CAMK2D: variants seen among roughly 807,000 people sequenced by gnomAD.
CAMK2D encodes calcium/calmodulin-dependent protein kinase type II subunit delta.
CAMK2D carries 37 observed loss-of-function variants against 84.0 expected under a neutral mutation model. That is an observed-to-expected ratio of 0.44 (90% CI 0.34 to 0.58). CAMK2D has a LOEUF of 0.58. Among genes scored for constraint, CAMK2D ranks in the 20% least tolerant of loss-of-function variants. The pLI, the probability that CAMK2D is intolerant of heterozygous loss-of-function variation, is 0.02. For synonymous variants in CAMK2D, 202 were observed against 212.5 expected, an observed-to-expected ratio of 0.95 and a Z score of 0.43; for missense variants, 448 against 652.5, an observed-to-expected ratio of 0.69 and a Z score of 3.41.
At chr4:113,471,777 G>C (rs1303630110) in intron 16 of CAMK2D, among the ~76,000 whole-genome samples, 1 of 151,982 alleles carries the variant, frequency 6.6e-6, no homozygotes, top group Non-Finnish European at 1.5e-5. Context: ...CTATAGAACA[G>C]AGCTGCCATT....
At chr4:113,627,095 C>A (rs777721292) in intron 3 of CAMK2D, among the ~76,000 whole-genome samples, 26 of 151,980 alleles carry the variant, frequency 1.7e-4, no homozygotes, top group Admixed American at 1.4e-3. Context: ...CTTATTATTT[C>A]CCTTTAATCA....
At chr4:113,462,808 C>G (rs2097404674) in intron 17 of CAMK2D, among the ~76,000 whole-genome samples, 1 of 150,208 alleles carries the variant, frequency 6.7e-6, no homozygotes. Flanking sequence ...TTAACAATAA[C>G]AAACACAACT....
intron 2 of CAMK2D, among the ~76,000 whole-genome samples, chr4:113,687,864 G>C (rs2099364464): frequency 6.6e-6 from 1 of 152,240 alleles, no homozygotes; most frequent in Admixed American, 6.5e-5. Context: ...AATCATCACA[G>C]AGAATCTTGT....
At chr4:113,505,245 T>A (rs1167405137) in intron 13 of CAMK2D, among the ~76,000 whole-genome samples, 1 of 152,130 alleles carries the variant, frequency 6.6e-6, no homozygotes, top group Non-Finnish European at 1.5e-5. Flanking sequence ...GATGGTGCAA[T>A]GAGAAAACAG....
intron 4 of CAMK2D, among the ~76,000 whole-genome samples, chr4:113,574,699 G>T (rs930725008): frequency 1.3e-5 from 2 of 152,178 alleles, no homozygotes; most frequent in Non-Finnish European, 1.5e-5. Flanking sequence ...GTTAGATTTT[G>T]ACTAAAGTGC....
At chr4:113,503,271 C>T (rs752554206) in intron 14 of CAMK2D, 13 of 629,742 alleles carry the variant, frequency 2.1e-5, no homozygotes, top group Admixed American at 3.6e-5. Context: ...CTCACTGTTT[C>T]ACTTAATCCT....
chr4:113,729,791 T>C (rs1562092892), intron 2 of CAMK2D, among the ~76,000 whole-genome samples: 1 of 152,130 alleles, frequency 6.6e-6, no homozygotes, highest in African/African-American at 2.4e-5. Context: ...AGTGTCCTTA[T>C]AAAAGAAGCC....
At chr4:113,750,170 GACAA>G (rs1023630717) in intron 2 of CAMK2D, among the ~76,000 whole-genome samples, 1 of 152,180 alleles carries the variant, frequency 6.6e-6, no homozygotes, top group African/African-American at 2.4e-5. Context: ...CTATTGAAAG[GACAA>G]AGAAGGAGAC....
chr4:113,541,682 T>C (rs574892392), intron 6 of CAMK2D, among the ~76,000 whole-genome samples: 4 of 152,328 alleles, frequency 2.6e-5, no homozygotes, highest in African/African-American at 7.2e-5. Flanking sequence ...CCTTTGGATA[T>C]TATTTTTTAA....
chr4:113,663,590 A>AAATAATAATAATAACAAT (rs2099244872), intron 2 of CAMK2D, among the ~76,000 whole-genome samples: 1 of 146,004 alleles, frequency 6.8e-6, no homozygotes, highest in African/African-American at 2.5e-5. Flanking sequence ...CTCTGTCTAA[A>AAATAATAATAATAACAAT]AATAATAATA....
At chr4:113,604,630 A>C (rs2098969786) in intron 4 of CAMK2D, among the ~76,000 whole-genome samples, 1 of 152,232 alleles carries the variant, frequency 6.6e-6, no homozygotes, top group Admixed American at 6.5e-5. Flanking sequence ...GTTTGTATGT[A>C]AACTTTTACC....
chr4:113,483,401 T>C (rs185598765), intron 16 of CAMK2D, among the ~76,000 whole-genome samples: 1 of 151,754 alleles, frequency 6.6e-6, no homozygotes, highest in East Asian at 1.9e-4. Flanking sequence ...AGCTATATCC[T>C]TATGCTTCTT....
chr4:113,666,600 T>G (rs1471311956), intron 2 of CAMK2D, among the ~76,000 whole-genome samples: 2 of 151,768 alleles, frequency 1.3e-5, no homozygotes, highest in African/African-American at 4.8e-5. Context: ...CACGCACGCA[T>G]GCACACACAC....
chr4:113,754,623 T>C, intron 2 of CAMK2D: 1 of 981,376 alleles, frequency 1.0e-6, no homozygotes, highest in Non-Finnish European at 1.2e-6. Context: ...TTTCTTTATT[T>C]TCTTCATTTA....
At chr4:113,650,388 A>G (rs2099168012) in intron 3 of CAMK2D, among the ~76,000 whole-genome samples, 1 of 149,852 alleles carries the variant, frequency 6.7e-6, no homozygotes, top group Non-Finnish European at 1.5e-5. Context: ...ATGGTGGTGC[A>G]TGCCTGTAAT....
intron 2 of CAMK2D, among the ~76,000 whole-genome samples, chr4:113,709,868 C>A (rs2099486454): frequency 6.9e-6 from 1 of 145,752 alleles, no homozygotes; most frequent in Non-Finnish European, 1.5e-5. Context: ...AAAAGCAGCT[C>A]CAGGTTTTAG....
chr4:113,581,513 T>TA (rs777730996), intron 4 of CAMK2D, among the ~76,000 whole-genome samples: 1,021 of 34,280 alleles, frequency 0.03, 14 homozygotes, highest in African/African-American at 0.054. Context: ...AACTTTCTCA[T>TA]AAAAAAAAAA....
intron 2 of CAMK2D, among the ~76,000 whole-genome samples, chr4:113,698,877 T>C (rs780436874): frequency 6.6e-6 from 1 of 152,100 alleles, no homozygotes; most frequent in Non-Finnish European, 1.5e-5. Flanking sequence ...CAATTTCACT[T>C]TGGAGAGTGA....
chr4:113,680,039 C>T lies in CAMK2D; in HGVS notation c.161-18267G>A, dbSNP rs543812181. The stretch of plus-strand genomic sequence containing the variant: ...AGTAATTTGTGGCTTGAGGATTTCC[C>T]TTCTACTAGTCCTTTTTCACATTAT... On this transcript the variant is annotated intron_variant, in intron 2 of 20. Coordinates refer to ENST00000511664, the MANE Select transcript of CAMK2D (RefSeq NM_001321571.2). Among the ~76,000 whole-genome samples the T allele has an allele frequency of 4.0e-4, 61 of 152,252 alleles. No homozygotes were observed. In the South Asian group the frequency reaches 0.012, roughly 31 times the overall value.
Sources: allele counts gnomAD v4.1 joint callset (sites outside exome capture counted in the v4.1 genomes callset), GRCh38; gene constraint gnomAD v4.1.1; transcripts MANE v1.5; gene names NCBI Gene and HGNC (gene_info 2026-07-23, HGNC 2026-07-21).